UCHL5: variants seen among roughly 807,000 people sequenced by gnomAD.
UCHL5 encodes ubiquitin C-terminal hydrolase L5.
Under a neutral mutation model 53.8 loss-of-function variants are expected in UCHL5, and 34 were observed. That is an observed-to-expected ratio of 0.63 (90% CI 0.48 to 0.84). UCHL5 has a LOEUF of 0.84. Among genes scored for constraint, UCHL5 ranks in the 40% least tolerant of loss-of-function variants. The pLI is 0.00. For missense variants in UCHL5, 290 were observed against 385.6 expected (o/e 0.75, Z 2.08); for synonymous variants, 111 against 126.3 (o/e 0.88, Z 0.81).
chr1:193,028,693 C>A (rs1457917252), intron 6 of UCHL5, among the ~76,000 whole-genome samples: 1 of 152,028 alleles, frequency 6.6e-6, no homozygotes, highest in Non-Finnish European at 1.5e-5. Context: ...AGGATCAGAA[C>A]AATCTATGTT....
chr1:193,059,041 A>G lies in UCHL5; in HGVS notation c.76+144T>C, dbSNP rs1381096795. 1 of 778,450 alleles carries G rather than the reference A, an allele frequency of 1.3e-6. No homozygotes were observed. Among genetic ancestry groups the G allele is most frequent in the East Asian group, 2.8e-5 (1 of 35,342 alleles). 48.2% of individuals were successfully genotyped at this position (778,450 alleles called of 1,614,324 possible). A position where few individuals can be genotyped will look rare whatever the true frequency, so the allele number is the denominator to read the frequency against. On this transcript the variant is annotated intron_variant, in intron 1 of 10. Transcript: ENST00000367454. This position sits in a 1 kb window ranked among gnomAD's most constrained non-coding sequence, Gnocchi z 4.9. Reference sequence around the variant, plus strand: ...TCTCGAGCTGAGGAGAGGGCAGAACATCTACATTTCCCCCACCCGGACTCC... The same window carrying G: ...TCTCGAGCTGAGGAGAGGGCAGAACGTCTACATTTCCCCCACCCGGACTCC...
chr1:193,023,805 C>T (rs1658061479), intron 8 of UCHL5, 39 bp downstream of exon 8: 1 of 1,470,774 alleles, frequency 6.8e-7, no homozygotes, highest in Non-Finnish European at 9.4e-7. Flanking sequence ...GAGAGAATAA[C>T]CAAGCTAGAA....
At chr1:193,029,697 A>C (rs2102461846) in intron 3 of UCHL5, 40 bp from the exon 4 acceptor site, 1 of 1,512,902 alleles carries the variant, frequency 6.6e-7, no homozygotes, top group South Asian at 1.3e-5. Context: ...GTGTTTAAAA[A>C]AATAAAAAAT....
Position 193,021,123 on chromosome 1 carries a change from G to A in UCHL5, c.916C>T (p.Gln306Ter), listed in dbSNP as rs776809591. ...MELLKTLAEH[Q>*]QLIPLVEKAK... Reference sequence around the variant, plus strand: ...TTTTCTACTAGTGGTATTAACTGCTGGTGTTCTGCTAAAGTCTTTAACAAT... The same window carrying A: ...TTTTCTACTAGTGGTATTAACTGCTAGTGTTCTGCTAAAGTCTTTAACAAT... Residue 306 changes from glutamine (Q) to a stop codon, truncating the protein, a stop_gained, in exon 10 of 11, where the codon CAG becomes TAG. Transcript: ENST00000367454. LOFTEE classifies it high-confidence loss of function. 1.2e-6 allele frequency: 2 copies of A among 1,608,866 alleles called. No individual in the cohort carries two copies. The highest frequency in any genetic ancestry group is 1.3e-5 in the African/African-American group (1 of 74,848).
At chr1:193,039,035 T>C (rs1425424753) in intron 3 of UCHL5, among the ~76,000 whole-genome samples, 1 of 152,108 alleles carries the variant, frequency 6.6e-6, no homozygotes, top group East Asian at 1.9e-4. Context: ...AAAAATCAGC[T>C]GCTATTATAT....
Position 193,014,821 on chromosome 1 carries a change from T to C in UCHL5, c.*1530A>G, listed in dbSNP as rs1654663360. On this transcript the variant is annotated 3_prime_UTR_variant, in exon 11 of 11. Transcript: ENST00000367454. ...CTTTATTTGTCAATCCTAGTGCCAG[T>C]ATCACACTGTATTGATTACTAAATA... 1 of 152,140 alleles carries C rather than the reference T, an allele frequency of 6.6e-6. No homozygotes were observed. The highest frequency in any genetic ancestry group is 2.1e-4 in the South Asian group (1 of 4,836). 9.4% of individuals were successfully genotyped at this position (152,140 alleles called of 1,614,324 possible).
At chr1:193,044,920 A>G (rs1411578775) in intron 3 of UCHL5, among the ~76,000 whole-genome samples, 1 of 152,164 alleles carries the variant, frequency 6.6e-6, no homozygotes, top group African/African-American at 2.4e-5. Context: ...AAACAATGAT[A>G]TGGGGAATCA....
chr1:193,019,804 G>T, intron 10 of UCHL5: 1 of 907,454 alleles, frequency 1.1e-6, no homozygotes, highest in East Asian at 1.2e-4. Flanking sequence ...AAAAAATTCT[G>T]TTCACAGATC....
chr1:193,021,165 G>A lies in UCHL5; in HGVS notation c.874C>T (p.Leu292=), dbSNP rs2102305344. 1.2e-6 allele frequency: 2 copies of A among 1,609,116 alleles called. No individual in the cohort carries two copies. The highest frequency in any genetic ancestry group is 1.7e-5 in the Admixed American group (1 of 59,876). Residue 292 remains leucine (L), a synonymous_variant, in exon 10 of 11, where the codon CTG becomes TTG. Coordinates refer to ENST00000367454, the MANE Select transcript of UCHL5 (RefSeq NM_001199261.3). The stretch of plus-strand genomic sequence containing the variant: ...TTTAACAATTCCATAATGAAAGGCA[G>A]ATAATTATGCTTCCTTCTGATATTC... ...IENIRRKHNY[L]PFIMELLKTL...
At chr1:193,026,806 A>C (rs1221916387) in intron 7 of UCHL5, among the ~76,000 whole-genome samples, 1 of 152,206 alleles carries the variant, frequency 6.6e-6, no homozygotes, top group African/African-American at 2.4e-5. Context: ...AAAAACGTTT[A>C]TTGTAGCTTT....
At chr1:193,051,607 T>C (rs1036399529) in intron 2 of UCHL5, 147 bp downstream of exon 2, 13 of 391,464 alleles carry the variant, frequency 3.3e-5, no homozygotes, top group African/African-American at 6.3e-5. Context: ...AATAATAATA[T>C]CTATCTCACA....
At chr1:193,034,277 A>C (rs553327806) in intron 3 of UCHL5, among the ~76,000 whole-genome samples, 1 of 152,138 alleles carries the variant, frequency 6.6e-6, no homozygotes, top group South Asian at 2.1e-4. Context: ...AAATATAACT[A>C]AAAATAAAAT....
intron 7 of UCHL5, among the ~76,000 whole-genome samples, chr1:193,027,032 T>A (rs933385484): frequency 6.6e-6 from 1 of 152,180 alleles, no homozygotes; most frequent in Non-Finnish European, 1.5e-5. Context: ...TAACATTCTT[T>A]AAATGACAAA....
intron 3 of UCHL5, among the ~76,000 whole-genome samples, chr1:193,041,912 C>A (rs566554528): frequency 1.3e-5 from 2 of 152,134 alleles, no homozygotes; most frequent in Admixed American, 1.3e-4. Context: ...TCATTTGAGT[C>A]TAGGAGTTAG....
rs1057450488 is a variant in UCHL5, at chr1:193,013,679, G to C, written c.*2672C>G. On this transcript the variant is annotated 3_prime_UTR_variant, in exon 11 of 11. Coordinates refer to ENST00000367454, the MANE Select transcript of UCHL5 (RefSeq NM_001199261.3). ...CTCAAATAAACAAAATCCTCCTACAGGATAAAAATATCTAAATGCATCTTG... is the reference window on the plus strand; with the variant it reads ...CTCAAATAAACAAAATCCTCCTACACGATAAAAATATCTAAATGCATCTTG... 2.6e-5 allele frequency: 4 copies of C among 152,036 alleles called. No homozygotes were observed. Among genetic ancestry groups the C allele is most frequent in the Non-Finnish European group, 5.9e-5 (4 of 68,018 alleles). The allele number at this position is 152,036 out of a possible 1,614,324, so 9.4% of individuals were successfully genotyped here. A position where few individuals can be genotyped will look rare whatever the true frequency, so the allele number is the denominator to read the frequency against.
intron 10 of UCHL5, chr1:193,020,436 C>G (rs1297397837): frequency 6.2e-5 from 96 of 1,544,226 alleles, no homozygotes; most frequent in African/African-American, 4.7e-4. Context: ...ATTAAAGAAT[C>G]CTTCCCCTAT....
At chr1:193,025,782 T>C (rs1658966247) in intron 7 of UCHL5, among the ~76,000 whole-genome samples, 2 of 151,846 alleles carry the variant, frequency 1.3e-5, no homozygotes, top group Admixed American at 6.6e-5. Flanking sequence ...CTTACTTTTA[T>C]AGATATAGAG....
upstream of UCHL5, chr1:193,059,390 C>T (rs774932777): frequency 5.6e-6 from 9 of 1,608,510 alleles, no homozygotes; most frequent in African/African-American, 1.3e-5. This position sits in a 1 kb window ranked among gnomAD's most constrained non-coding sequence, Gnocchi z 4.9. Flanking sequence ...GCCTACTTCC[C>T]GACAGCCTCC....
At chr1:193,042,049 T>C (rs1380717233) in intron 3 of UCHL5, among the ~76,000 whole-genome samples, 1 of 151,502 alleles carries the variant, frequency 6.6e-6, no homozygotes, top group Non-Finnish European at 1.5e-5. Context: ...GAGGCTACAA[T>C]GAGCTGTGAT....
Sources: allele counts gnomAD v4.1 joint callset (sites outside exome capture counted in the v4.1 genomes callset), GRCh38; gene constraint gnomAD v4.1.1; non-coding constraint Gnocchi (gnomAD v3.1); transcripts MANE v1.5; gene names NCBI Gene and HGNC (gene_info 2026-07-23, HGNC 2026-07-21).